Variants in TGS1 observed in about 807,000 individuals in gnomAD.
TGS1 encodes trimethylguanosine synthase 1, also known as trimethylguanosine synthase.
A neutral mutation model predicts 92.2 loss-of-function variants in TGS1; 69 were observed. The observed-to-expected ratio is 0.75, with a 90% CI of 0.62 to 0.91. The LOEUF is 0.91. Ranked by LOEUF, TGS1 falls within the 40% of genes least tolerant of loss-of-function variation. TGS1 has a pLI of 0.00. For missense variants in TGS1, 1,062 were observed against 1,001.2 expected (o/e 1.06, Z -0.82); for synonymous variants, 345 against 338.1 (o/e 1.02, Z -0.22).
chr8:55,777,036 C>T (rs1317100694), intron 1 of TGS1, among the ~76,000 whole-genome samples: 2 of 151,366 alleles, frequency 1.3e-5, no homozygotes, highest in Non-Finnish European at 2.9e-5. Context: ...GAGACTGGGT[C>T]TCACTTTGTC....
intron 1 of TGS1, among the ~76,000 whole-genome samples, chr8:55,780,886 G>C (rs1585754467): frequency 6.6e-6 from 1 of 152,324 alleles, no homozygotes; most frequent in Non-Finnish European, 1.5e-5. Context: ...AGAGTTCCCA[G>C]TGGGGAACTC....
chr8:55,804,685 G>A (rs1812314173), intron 9 of TGS1, among the ~76,000 whole-genome samples: 2 of 152,244 alleles, frequency 1.3e-5, no homozygotes, highest in South Asian at 4.1e-4. Context: ...TAAGAATTGA[G>A]GTCATCATTT....
chr8:55,797,367 C>A (rs1812087696), intron 7 of TGS1, among the ~76,000 whole-genome samples: 1 of 152,170 alleles, frequency 6.6e-6, no homozygotes, highest in African/African-American at 2.4e-5. Flanking sequence ...TTACCTGATT[C>A]CTCCCACAAC....
intron 12 of TGS1, among the ~76,000 whole-genome samples, chr8:55,819,212 G>C (rs1346364063): frequency 6.7e-6 from 1 of 150,134 alleles, no homozygotes; most frequent in Non-Finnish European, 1.5e-5. Context: ...CTGGGATTAC[G>C]GGCATGAGCC....
intron 7 of TGS1, among the ~76,000 whole-genome samples, chr8:55,797,674 T>G (rs1243776098): frequency 1.3e-5 from 2 of 152,218 alleles, no homozygotes; most frequent in Non-Finnish European, 2.9e-5. Context: ...GAAAATTGCT[T>G]GGTGTGATGA....
In TGS1 at chr8:55,790,248, A is replaced by G; in HGVS notation, c.1229A>G (p.Asp410Gly). The change falls in exon 5 of 13, where the codon GAT (aspartate) becomes GGT (glycine). Residue 410 changes from aspartate to glycine, a missense_variant. Physicochemically the swap from Asp to Gly is moderately conservative, Grantham distance 94. Transcript: ENST00000260129. ...CCACATGCCAGTGGTACTGATGGAG[A>G]TGAAAGTGAGGAAGACCCACCTGAG... ...DRPHASGTDG[D>G]ESEEDPPEHK... The G allele has an allele frequency of 1.2e-6, 2 of 1,614,104 alleles. No homozygotes were observed. The highest frequency in any genetic ancestry group is 1.3e-5 in the African/African-American group (1 of 75,040).
chr8:55,777,576 G>A (rs1373795994), intron 1 of TGS1, among the ~76,000 whole-genome samples: 1 of 150,944 alleles, frequency 6.6e-6, no homozygotes, highest in African/African-American at 2.4e-5. Flanking sequence ...GTCTCACTCT[G>A]TCGCCCAGGC....
intron 4 of TGS1, 70 bp from the exon 5 acceptor site, chr8:55,790,112 G>A: frequency 9.1e-7 from 1 of 1,094,344 alleles, no homozygotes; most frequent in South Asian, 1.3e-5. Flanking sequence ...TATTTTCATT[G>A]GCTTTGCAAA....
chr8:55,824,004 T>A (rs1187687628), intron 12 of TGS1, among the ~76,000 whole-genome samples: 1 of 152,104 alleles, frequency 6.6e-6, no homozygotes, highest in African/African-American at 2.4e-5. Context: ...TAATTCCAGA[T>A]GCTCAGGAGG....
intron 12 of TGS1, among the ~76,000 whole-genome samples, chr8:55,819,288 A>ATTTTTT (rs201975270): frequency 2.7e-5 from 2 of 75,018 alleles, no homozygotes; most frequent in Admixed American, 1.7e-4. Flanking sequence ...TGCCTGGGAG[A>ATTTTTT]TTTTTTTTTT....
intron 6 of TGS1, 116 bp from the exon 7 acceptor site, chr8:55,795,859 TAAA>T (rs1445433282): frequency 1.3e-6 from 1 of 775,384 alleles, no homozygotes; most frequent in Non-Finnish European, 2.1e-6. Context: ...TTCATAATTT[TAAA>T]AAGGGAATTA....
chr8:55,780,480 A>C (rs1167350672), intron 1 of TGS1, among the ~76,000 whole-genome samples: 1 of 152,196 alleles, frequency 6.6e-6, no homozygotes, highest in Non-Finnish European at 1.5e-5. Context: ...CTCAGGAGGC[A>C]CTTTTTGTAG....
At chr8:55,783,912 A>G (rs1421489756) in intron 2 of TGS1, among the ~76,000 whole-genome samples, 1 of 152,262 alleles carries the variant, frequency 6.6e-6, no homozygotes, top group Non-Finnish European at 1.5e-5. Flanking sequence ...TGAAAGGAAC[A>G]TAAAACTTAG....
intron 6 of TGS1, among the ~76,000 whole-genome samples, chr8:55,794,357 A>C (rs1331961413): frequency 1.3e-5 from 2 of 152,176 alleles, no homozygotes; most frequent in Non-Finnish European, 2.9e-5. Flanking sequence ...CGCCCAGTCC[A>C]TTTATTCCTT....
chr8:55,794,112 C>A (rs951357129), intron 6 of TGS1, among the ~76,000 whole-genome samples: 4 of 152,132 alleles, frequency 2.6e-5, no homozygotes, highest in African/African-American at 7.2e-5. Flanking sequence ...TAAATTGTTT[C>A]CTAAGATCTA....
intron 1 of TGS1, among the ~76,000 whole-genome samples, chr8:55,781,005 A>G (rs1482141245): frequency 6.6e-6 from 1 of 152,136 alleles, no homozygotes; most frequent in Non-Finnish European, 1.5e-5. Context: ...TCCAACCTGG[A>G]ATTGTCATTT....
chr8:55,776,420 A>G (rs1426764203), intron 1 of TGS1, among the ~76,000 whole-genome samples: 1 of 151,904 alleles, frequency 6.6e-6, no homozygotes. Flanking sequence ...AGCTGGGAAT[A>G]CAGGCGCCCG....
intron 12 of TGS1, among the ~76,000 whole-genome samples, chr8:55,814,673 AAATAT>A (rs1476645055): frequency 7.4e-6 from 1 of 134,570 alleles, no homozygotes; most frequent in African/African-American, 3.0e-5. Flanking sequence ...AAAAAAAAAA[AAATAT>A]ATATATATAT....
intron 12 of TGS1, among the ~76,000 whole-genome samples, chr8:55,816,063 C>G (rs1289574807): frequency 6.6e-6 from 1 of 152,170 alleles, no homozygotes; most frequent in African/African-American, 2.4e-5. Flanking sequence ...AAGTGATCCT[C>G]CTGCCTCAGC....
Sources: allele counts gnomAD v4.1 joint callset (sites outside exome capture counted in the v4.1 genomes callset), GRCh38; gene constraint gnomAD v4.1.1; transcripts MANE v1.5; gene names NCBI Gene and HGNC (gene_info 2026-07-23, HGNC 2026-07-21).